SESN3: variants seen among roughly 807,000 people sequenced by gnomAD.
SESN3 encodes the protein sestrin 3, also known as sestrin-3.
A neutral mutation model predicts 55.3 loss-of-function variants in SESN3; 21 were observed. The observed-to-expected ratio is 0.38, with a 90% confidence interval of 0.27 to 0.55. SESN3 has a LOEUF of 0.55. Ranked by LOEUF, SESN3 falls within the 20% of genes least tolerant of loss-of-function variation. The probability of loss-of-function intolerance (pLI) is 0.76; values close to 1 mark genes in which losing one functional copy is unlikely to be tolerated. For synonymous variants in SESN3, 181 were observed against 203.1 expected (o/e 0.89, Z 0.93); for missense variants, 408 against 604.3 (o/e 0.68, Z 3.41).
intron 6 of SESN3, among the ~76,000 whole-genome samples, chr11:95,180,792 T>C (rs1275795376): frequency 6.6e-6 from 1 of 152,118 alleles, no homozygotes; most frequent in Non-Finnish European, 1.5e-5. Flanking sequence ...TTTTCAGGCT[T>C]ATCCCCAGCC....
chr11:95,212,944 CTCT>C (rs577569530), intron 1 of SESN3, among the ~76,000 whole-genome samples: 20 of 152,098 alleles, frequency 1.3e-4, no homozygotes, highest in Non-Finnish European at 2.5e-4. Flanking sequence ...CTTAAATTAT[CTCT>C]TCTTCTCTAT....
chr11:95,197,484 G>A (rs1252741407), intron 1 of SESN3, among the ~76,000 whole-genome samples: 1 of 124,148 alleles, frequency 8.1e-6, no homozygotes, highest in African/African-American at 3.1e-5. Context: ...CACTCTTGTT[G>A]CCCAGGCTGC....
rs781304580 is a variant in SESN3 at position 95,173,118 on chromosome 11, C to CAAAAA, written c.*132_*136dup. 157 of 417,668 alleles carry CAAAAA rather than the reference C, an allele frequency of 3.8e-4. No individual in the cohort carries two copies. Among genetic ancestry groups the CAAAAA allele is most frequent in the South Asian group, 1.0e-3 (21 of 20,308 alleles). The allele number at this position is 417,668 out of a possible 1,614,324, so 25.9% of individuals were successfully genotyped here. Reference sequence around the variant, plus strand: ...CATTGCACATTACAGCCGCAAAAAACAAAAAAAAAAAAACAAACGGCTAAA... The same window carrying CAAAAA: ...CATTGCACATTACAGCCGCAAAAAACAAAAAAAAAAAAAAAAAACAAACGGCTAAA... On this transcript the variant is annotated 3_prime_UTR_variant, in exon 10 of 10. Coordinates refer to ENST00000536441, the MANE Select transcript of SESN3 (RefSeq NM_144665.4).
At chr11:95,184,947 C>T (rs999269302) in intron 5 of SESN3, among the ~76,000 whole-genome samples, 23 of 151,892 alleles carry the variant, frequency 1.5e-4, no homozygotes, top group Non-Finnish European at 2.8e-4. Context: ...TTGGTTGTTC[C>T]AGCATCTTAT....
rs759770944 is a variant in SESN3 at position 95,173,311 on chromosome 11, G to A, written c.1423C>T (p.Arg475Ter). The change falls in exon 10 of 10, where the codon CGA (arginine) becomes TGA (stop). Residue 475 changes from arginine (R) to a stop codon, truncating the protein, a stop_gained. Transcript: ENST00000536441. LOFTEE classifies it high-confidence loss of function. Reference protein sequence around the residue: ...VHVNLLLMEARMQAELLYALR... With the variant: ...VHVNLLLMEA ...GCATAAAGAAGTTCAGCTTGCATTC[G>A]TGCTTCCATTAAAAGTAGATTGACA... 3 of 1,597,542 alleles carry A rather than the reference G, an allele frequency of 1.9e-6. No homozygotes were observed. Among genetic ancestry groups the A allele is most frequent in the Admixed American group, 1.7e-5 (1 of 59,898 alleles).
rs185404481 is a variant in SESN3 at position 95,213,570 on chromosome 11, G to A, written c.78+17213C>T. Among the ~76,000 whole-genome samples the A allele has an allele frequency of 4.6e-5, 7 of 152,290 alleles. No individual in the cohort carries two copies. In the East Asian group the frequency reaches 1.3e-3, roughly 29 times the overall value. ...AGAGAACAAGGGAGGCAGGCTGCCA[G>A]TGGAGTCTTTTAAATAGGATAGGTG... On this transcript the variant is annotated intron_variant, in intron 1 of 9. Transcript: ENST00000536441.
intron 6 of SESN3, among the ~76,000 whole-genome samples, chr11:95,179,279 C>T (rs552102408): frequency 2.0e-5 from 3 of 152,010 alleles, no homozygotes; most frequent in Non-Finnish European, 2.9e-5. Flanking sequence ...CTCAGCCTCC[C>T]GAGTAGCTGG....
rs920546420 is a variant in SESN3 at position 95,170,258 on chromosome 11, A to G, written c.*2997T>C. On this transcript the variant is annotated 3_prime_UTR_variant, in exon 10 of 10. Transcript: ENST00000536441. Reference sequence around the variant, plus strand: ...ACAGATTATTTTCAGGTGGGAGAGTATCTCAATATTTCTTAAGGTGATCTG... The same window carrying G: ...ACAGATTATTTTCAGGTGGGAGAGTGTCTCAATATTTCTTAAGGTGATCTG... 24 of 152,240 alleles carry G rather than the reference A, an allele frequency of 1.6e-4. No individual in the cohort carries two copies. Among genetic ancestry groups the G allele is most frequent in the Admixed American group, 1.4e-3 (22 of 15,284 alleles). The allele number at this position is 152,240 out of a possible 1,614,324, so 9.4% of individuals were successfully genotyped here.
At chr11:95,219,336 T>C (rs1265286159) in intron 1 of SESN3, among the ~76,000 whole-genome samples, 1 of 152,222 alleles carries the variant, frequency 6.6e-6, no homozygotes. Context: ...AGTTTTTTTT[T>C]CTTTACTGGA....
chr11:95,222,517 TATAA>T (rs1360338121), intron 1 of SESN3, among the ~76,000 whole-genome samples: 1 of 152,244 alleles, frequency 6.6e-6, no homozygotes, highest in African/African-American at 2.4e-5. Flanking sequence ...TTGTATCTAA[TATAA>T]ATATACTACT....
At chr11:95,177,134 T>G (rs766077609) in intron 8 of SESN3, among the ~76,000 whole-genome samples, 1 of 152,120 alleles carries the variant, frequency 6.6e-6, no homozygotes, top group Non-Finnish European at 1.5e-5. Flanking sequence ...AAAGGCACAT[T>G]CTCCAAAAAG....
chr11:95,202,624 T>C (rs1365000519), intron 1 of SESN3, among the ~76,000 whole-genome samples: 1 of 152,068 alleles, frequency 6.6e-6, no homozygotes, highest in Non-Finnish European at 1.5e-5. Flanking sequence ...TATAGAGCTA[T>C]AGAGATACAA....
At chr11:95,173,644 T>TTTTCC (rs1303299758) in intron 9 of SESN3, among the ~76,000 whole-genome samples, 2 of 152,164 alleles carry the variant, frequency 1.3e-5, no homozygotes, top group Non-Finnish European at 2.9e-5. Context: ...TTCCTACAAA[T>TTTTCC]TACATTTCTT....
intron 8 of SESN3, 85 bp from the exon 9 acceptor site, chr11:95,175,727 G>A (rs1042280242): frequency 5.4e-6 from 6 of 1,102,890 alleles, no homozygotes; most frequent in African/African-American, 4.7e-5. Context: ...TTATTGTCTA[G>A]TAATTAAATA....
intron 4 of SESN3, among the ~76,000 whole-genome samples, 194 bp from the exon 5 acceptor site, chr11:95,185,686 A>G (rs1315388410): frequency 6.6e-6 from 1 of 152,066 alleles, no homozygotes; most frequent in African/African-American, 2.4e-5. Context: ...TAACAATATA[A>G]TTACATTGTA....
rs1410967707 is a variant in SESN3, at chr11:95,178,744, C to T, written c.1022G>A (p.Arg341Gln). 5.0e-6 allele frequency: 8 copies of T among 1,611,888 alleles called. No individual in the cohort carries two copies. The highest frequency in any genetic ancestry group is 5.9e-6 in the Non-Finnish European group (7 of 1,178,036). ...GAATGTTGGCAAATGCTCTTCTCCT[C>T]GTCTGGCAAAGTCTTCATACCCAAA... Reference protein sequence around the residue: ...PGFGYEDFARRGEEHLPTFRA... With the variant: ...PGFGYEDFARQGEEHLPTFRA... The change falls in exon 7 of 10, where the codon CGA becomes CAA. Residue 341 changes from arginine to glutamine, a missense_variant. By Grantham distance (43) the Arg-to-Gln change is conservative (BLOSUM62 1). Coordinates refer to ENST00000536441, the MANE Select transcript of SESN3 (RefSeq NM_144665.4).
intron 1 of SESN3, among the ~76,000 whole-genome samples, chr11:95,228,662 G>A (rs1860992553): frequency 6.6e-6 from 1 of 152,118 alleles, no homozygotes; most frequent in Non-Finnish European, 1.5e-5. Flanking sequence ...AGCTGCAAAT[G>A]TTGCCAAGTC....
intron 1 of SESN3, among the ~76,000 whole-genome samples, chr11:95,211,314 C>G (rs1180612990): frequency 6.6e-6 from 1 of 152,180 alleles, no homozygotes. Context: ...ACTAATAAAC[C>G]ACTGTTGATC....
Position 95,230,818 on chromosome 11 carries a change from G to T in SESN3, c.43C>A (p.Leu15Met). ...GGSPSAAANY[L>M]LCTNCRKVLR... ...ACTTTCCGGCAGTTGGTACAGAGCA[G>T]GTAGTTGGCGGCGGCCGACGGGCTG... Residue 15 changes from leucine (L) to methionine (M), a missense_variant, in exon 1 of 10, where the codon CTG becomes ATG. Physicochemically the swap from Leu to Met is conservative, Grantham distance 15 (BLOSUM62 2). Transcript: ENST00000536441. This position sits in a 1 kb window ranked among gnomAD's most constrained non-coding sequence, Gnocchi z 4.6. 1 of 1,593,504 alleles carries T rather than the reference G, an allele frequency of 6.3e-7. No individual in the cohort carries two copies. Among genetic ancestry groups the T allele is most frequent in the Admixed American group, 1.7e-5 (1 of 58,090 alleles).
Sources: gnomAD v4.1 joint callset for allele counts (sites outside exome capture counted in the v4.1 genomes callset) on GRCh38, gnomAD v4.1.1 for gene constraint, Gnocchi (gnomAD v3.1) non-coding constraint, MANE v1.5 for transcripts, NCBI Gene and HGNC (gene_info 2026-07-23, HGNC 2026-07-21) for gene names.